The following PTPN21 variants were observed in gnomAD, a reference collection of about 807,000 sequenced individuals.
PTPN21 encodes protein tyrosine phosphatase non-receptor type 21, also known as tyrosine-protein phosphatase non-receptor type 21.
PTPN21 carries 77 observed loss-of-function variants against 131.8 expected under a neutral mutation model. The ratio of observed to expected loss-of-function variants is 0.58; its 90% CI spans 0.49 to 0.71. The LOEUF is 0.71. Among genes scored for constraint, PTPN21 ranks in the 30% least tolerant of loss-of-function variants. The pLI, the probability that PTPN21 is intolerant of heterozygous loss-of-function variation, is 0.00. For synonymous variants in PTPN21, 715 were observed against 621.3 expected (o/e 1.15, Z -2.24); for missense variants, 1,552 against 1,527.1 (o/e 1.02, Z -0.27).
intron 15 of PTPN21, among the ~76,000 whole-genome samples, chr14:88,471,936 C>G (rs1268667076): frequency 6.7e-6 from 1 of 148,156 alleles, no homozygotes; most frequent in Non-Finnish European, 1.5e-5. Flanking sequence ...AAAAAAAAAG[C>G]CGGGCAAATA....
intron 2 of PTPN21, among the ~76,000 whole-genome samples, chr14:88,531,177 C>A (rs190192749): frequency 6.6e-6 from 1 of 152,200 alleles, no homozygotes; most frequent in South Asian, 2.1e-4. Flanking sequence ...AAATAATATG[C>A]TCCTGAATAA....
At position 88,550,321 on chromosome 14, in the gene PTPN21, C is replaced by G. The variant is rs267604079; in HGVS notation, c.97G>C (p.Glu33Gln). ...LVARIQLLNN[E>Q]FVEFTLSVES... Reference sequence around the variant, plus strand: ...ACGGACAGGGTGAACTCCACAAACTCGTTATTAAGCAGTTGGATCCGGGCA... The same window carrying G: ...ACGGACAGGGTGAACTCCACAAACTGGTTATTAAGCAGTTGGATCCGGGCA... Residue 33 changes from glutamate (E) to glutamine (Q), a missense_variant, in exon 2 of 19, where the codon GAG (glutamate) becomes CAG (glutamine). Glu to Gln is a conservative substitution (Grantham distance 29, BLOSUM62 2). Transcript: ENST00000556564. The G allele has an allele frequency of 1.9e-6, 3 of 1,614,070 alleles. No individual in the cohort carries two copies. Among genetic ancestry groups the G allele is most frequent in the Non-Finnish European group, 2.5e-6 (3 of 1,180,028 alleles).
In PTPN21 at chr14:88,466,890, C is replaced by G. The variant is rs1045033234; in HGVS notation, c.*1247G>C. 1 of 152,084 alleles carries G rather than the reference C, an allele frequency of 6.6e-6. No individual in the cohort carries two copies. Among genetic ancestry groups the G allele is most frequent in the Non-Finnish European group, 1.5e-5 (1 of 68,018 alleles). 9.4% of individuals were successfully genotyped at this position (152,084 alleles called of 1,614,324 possible). On this transcript the variant is annotated 3_prime_UTR_variant, in exon 19 of 19. Coordinates refer to ENST00000556564, the MANE Select transcript of PTPN21 (RefSeq NM_007039.4). ...TTATTAACTATTCCCTTCCTTCAAC[C>G]AAAAGGAAAAATACGCCTCTTTAAG...
At chr14:88,544,468 C>T (rs1186258531) in intron 2 of PTPN21, among the ~76,000 whole-genome samples, 2 of 152,154 alleles carry the variant, frequency 1.3e-5, no homozygotes, top group Non-Finnish European at 2.9e-5. Context: ...AAGAAGAACA[C>T]TTATTGAGAG....
At chr14:88,478,675 G>C (rs868108855) in intron 13 of PTPN21, among the ~76,000 whole-genome samples, 1 of 152,094 alleles carries the variant, frequency 6.6e-6, no homozygotes, top group Non-Finnish European at 1.5e-5. Flanking sequence ...ACAAAACCCT[G>C]TGAATTTACC....
intron 2 of PTPN21, among the ~76,000 whole-genome samples, chr14:88,530,720 G>A (rs934348480): frequency 2.0e-5 from 3 of 152,070 alleles, no homozygotes; most frequent in African/African-American, 7.2e-5. Context: ...AAATGGTCTA[G>A]TCCAACAGGA....
In PTPN21 at chr14:88,466,368, G is replaced by T. The variant is rs576294416; in HGVS notation, c.*1769C>A. 6.6e-6 allele frequency: 1 copy of T among 152,238 alleles called. No individual in the cohort carries two copies. Among genetic ancestry groups the T allele is most frequent in the Non-Finnish European group, 1.5e-5 (1 of 68,010 alleles). The allele number at this position is 152,238 out of a possible 1,614,324, so 9.4% of individuals were successfully genotyped here. ...TATCTTCTGAGTTTTCCTCTTAGGT[G>T]GTTGGTTTCTGGGTAAGGCAGAGTT... is the stretch of plus-strand genomic sequence containing the variant. On this transcript the variant is annotated 3_prime_UTR_variant, in exon 19 of 19. Transcript: ENST00000556564.
intron 4 of PTPN21, 36 bp downstream of exon 4, chr14:88,507,887 G>C (rs1235085558): frequency 7.5e-7 from 1 of 1,328,906 alleles, no homozygotes; most frequent in Non-Finnish European, 1.1e-6. Flanking sequence ...ATTTTAATCT[G>C]ATAGAACCAT....
chr14:88,535,578 A>G (rs2078618929), intron 2 of PTPN21, among the ~76,000 whole-genome samples: 1 of 152,210 alleles, frequency 6.6e-6, no homozygotes, highest in Non-Finnish European at 1.5e-5. Context: ...AATCGTACTG[A>G]TAATACTGAA....
Position 88,541,080 on chromosome 14 carries a change from G to T in PTPN21, c.180+9158C>A, listed in dbSNP as rs534040240. Among the ~76,000 whole-genome samples the T allele has an allele frequency of 3.9e-5, 6 of 152,232 alleles. No homozygotes were observed. In the East Asian group the frequency reaches 1.2e-3, roughly 29 times the overall value. ...TTATTTAAAATAACAAAACTACTCT[G>T]CCCCATATATAAATCTCAACACTAT... is the stretch of plus-strand genomic sequence containing the variant. On this transcript the variant is annotated intron_variant, in intron 2 of 18. Transcript: ENST00000556564.
chr14:88,512,995 T>C (rs1423067256), intron 3 of PTPN21, among the ~76,000 whole-genome samples: 1 of 152,204 alleles, frequency 6.6e-6, no homozygotes, highest in Non-Finnish European at 1.5e-5. Context: ...GATTGTTACC[T>C]CTTTATATAG....
At chr14:88,475,349 ACTCAATAAGC>A (rs2077534810) in intron 13 of PTPN21, among the ~76,000 whole-genome samples, 2 of 152,150 alleles carry the variant, frequency 1.3e-5, no homozygotes, top group African/African-American at 4.8e-5. Flanking sequence ...TTGGTACCTA[ACTCAATAAGC>A]TAAGTGGATT....
At chr14:88,547,341 T>C (rs2078797561) in intron 2 of PTPN21, among the ~76,000 whole-genome samples, 2 of 135,778 alleles carry the variant, frequency 1.5e-5, no homozygotes, top group Non-Finnish European at 1.6e-5. Flanking sequence ...AATAAATAAA[T>C]AAATAAATAG....
At chr14:88,539,722 A>C (rs546910362) in intron 2 of PTPN21, among the ~76,000 whole-genome samples, 1 of 151,928 alleles carries the variant, frequency 6.6e-6, no homozygotes, top group South Asian at 2.1e-4. Flanking sequence ...TAGCTGCCCT[A>C]GCCAGGCATT....
Position 88,468,273 on chromosome 14 carries a change from G to A in PTPN21, c.3397-8C>T. 1 of 1,589,346 alleles carries A rather than the reference G, an allele frequency of 6.3e-7. No homozygotes were observed. The highest frequency in any genetic ancestry group is 8.6e-7 in the Non-Finnish European group (1 of 1,168,810). On this transcript the variant is annotated splice_polypyrimidine_tract_variant and splice_region_variant and intron_variant, in intron 18 of 18. Coordinates refer to ENST00000556564, the MANE Select transcript of PTPN21 (RefSeq NM_007039.4). Reference sequence around the variant, plus strand: ...TCTCGGGATGTCCAGCACCTAGGTTGAGAGAAACGGTAATGAAGATAATGT... The same window carrying A: ...TCTCGGGATGTCCAGCACCTAGGTTAAGAGAAACGGTAATGAAGATAATGT...
chr14:88,501,265 G>T lies in PTPN21; in HGVS notation c.675+16C>A. ...AGCCTAACTTTAAAGAGCCCCAGCC[G>T]CCAAGCCACACTTACCTTAGCAGGG... On this transcript the variant is annotated intron_variant, in intron 7 of 18. Transcript: ENST00000556564. 2.5e-6 allele frequency: 4 copies of T among 1,596,166 alleles called. No homozygotes were observed. The highest frequency in any genetic ancestry group is 3.4e-6 in the Non-Finnish European group (4 of 1,164,430).
Position 88,479,692 on chromosome 14 carries a change from T to G in PTPN21, c.1739A>C (p.Asp580Ala). Residue 580 changes from aspartate to alanine, a missense_variant, in exon 13 of 19, where the codon GAC becomes GCC. Transcript: ENST00000556564. ...PPPRPANSTP[D>A]LSRHLYISSS... ...GCTGATGTAAAGGTGGCGGGACAGG[T>G]CTGGCGTGCTGTTGGCGGGCCTGGG... is the stretch of plus-strand genomic sequence containing the variant. The G allele has an allele frequency of 7.9e-7, 1 of 1,261,686 alleles. No homozygotes were observed. The highest frequency in any genetic ancestry group is 1.0e-6 in the Non-Finnish European group (1 of 979,770). 78.2% of individuals were successfully genotyped at this position (1,261,686 alleles called of 1,614,324 possible).
At chr14:88,550,041 C>T (rs1484292214) in intron 2 of PTPN21, among the ~76,000 whole-genome samples, 197 bp downstream of exon 2, 1 of 152,142 alleles carries the variant, frequency 6.6e-6, no homozygotes, top group Non-Finnish European at 1.5e-5. Context: ...GCCTCGGCCT[C>T]CCAAAGTGCT....
chr14:88,528,238 C>G (rs995672768), intron 2 of PTPN21, among the ~76,000 whole-genome samples: 1 of 152,060 alleles, frequency 6.6e-6, no homozygotes, highest in Non-Finnish European at 1.5e-5. Context: ...TTGCTTTTGG[C>G]AATATGGTCA....
Sources: gnomAD v4.1 joint callset for allele counts (sites outside exome capture counted in the v4.1 genomes callset) on GRCh38, gnomAD v4.1.1 for gene constraint, MANE v1.5 for transcripts, NCBI Gene and HGNC (gene_info 2026-07-23, HGNC 2026-07-21) for gene names.